Variants in NPTN observed in about 807,000 individuals in gnomAD.
NPTN encodes the protein neuroplastin.
A neutral mutation model predicts 42.7 loss-of-function variants in NPTN; 5 were observed. The ratio of observed to expected loss-of-function variants is 0.12; its 90% CI spans 0.06 to 0.25. The LOEUF (loss-of-function observed/expected upper bound fraction) is 0.25, where lower values mean the gene tolerates loss of function less well. Ranked by LOEUF, NPTN falls within the 10% of genes least tolerant of loss-of-function variation. The pLI, the probability that NPTN is intolerant of heterozygous loss-of-function variation, is 1.00. For missense variants in NPTN, 307 were observed against 525.4 expected (o/e 0.58, Z 4.06); for synonymous variants, 180 against 201.9 (o/e 0.89, Z 0.92).
At chr15:73,581,436 G>C (rs952047700) in intron 4 of NPTN, among the ~76,000 whole-genome samples, 1 of 152,182 alleles carries the variant, frequency 6.6e-6, no homozygotes, top group Non-Finnish European at 1.5e-5. Context: ...ACCCTTAGAA[G>C]AGAGTTCTGA....
intron 4 of NPTN, among the ~76,000 whole-genome samples, chr15:73,577,562 C>T (rs1394891369): frequency 6.6e-6 from 1 of 152,222 alleles, no homozygotes; most frequent in Admixed American, 6.5e-5. Context: ...TTTCCCAAAA[C>T]AGACTCCCTT....
intron 4 of NPTN, among the ~76,000 whole-genome samples, chr15:73,580,391 ATATATATAT>A (rs1286022596): frequency 7.6e-5 from 10 of 132,386 alleles, no homozygotes; most frequent in South Asian, 2.2e-4. Context: ...AAACTTTAAA[ATATATATAT>A]TATATATATA....
At chr15:73,573,469 C>A (rs1015842393) in intron 5 of NPTN, among the ~76,000 whole-genome samples, 193 bp downstream of exon 5, 1 of 152,142 alleles carries the variant, frequency 6.6e-6, no homozygotes, top group African/African-American at 2.4e-5. Flanking sequence ...TAACAAATCA[C>A]GTACAGGGAT....
chr15:73,588,369 T>C (rs562333627), intron 3 of NPTN, among the ~76,000 whole-genome samples: 2 of 152,336 alleles, frequency 1.3e-5, no homozygotes, highest in South Asian at 2.1e-4. Context: ...TCTTCCTACC[T>C]TGTCTTTTAG....
chr15:73,561,891 C>CTTACA lies in NPTN; in HGVS notation c.*14_*14+4dup, dbSNP rs1368320534. On this transcript the variant is annotated splice_donor_region_variant and intron_variant, in intron 8 of 8. Coordinates refer to ENST00000345330, the MANE Select transcript of NPTN (RefSeq NM_012428.4). ...TTTAAGACTGCTACAGAAGGCCATA[C>CTTACA]TTACATTGTAAGCAGTACTTAATTT... 1.3e-6 allele frequency: 2 copies of CTTACA among 1,595,326 alleles called. No individual in the cohort carries two copies. The highest frequency in any genetic ancestry group is 1.7e-6 in the Non-Finnish European group (2 of 1,167,008).
In NPTN at chr15:73,569,458, G is replaced by C. The variant is rs1316946788; in HGVS notation, c.1114+692C>G. Reference sequence around the variant, plus strand: ...TAGGCCAGCTTGAGGGCACAGCCTCGGGGCATGGACTCCATTTGTTCCGCC... The same window carrying C: ...TAGGCCAGCTTGAGGGCACAGCCTCCGGGCATGGACTCCATTTGTTCCGCC... On this transcript the variant is annotated intron_variant, in intron 6 of 8. Transcript: ENST00000345330. The surrounding 1 kb of genome is among the most constrained non-coding windows in gnomAD (Gnocchi z 4.1). 3 of 985,388 alleles carry C rather than the reference G, an allele frequency of 3.0e-6. No homozygotes were observed. Among genetic ancestry groups the C allele is most frequent in the Non-Finnish European group, 2.4e-6 (2 of 829,934 alleles). 61.0% of individuals were successfully genotyped at this position (985,388 alleles called of 1,614,324 possible).
At position 73,570,666 on chromosome 15, in the gene NPTN, G is replaced by T. The variant is rs1895318660; in HGVS notation, c.841-243C>A. Among the ~76,000 whole-genome samples the T allele has an allele frequency of 1.3e-5, 2 of 152,286 alleles. No individual in the cohort carries two copies. Among genetic ancestry groups the T allele is most frequent in the Middle Eastern group, 3.4e-3 (1 of 294 alleles). ...CCCGACTTCCACGAAGTGAGTGCAG[G>T]TCCTACTGCCTGGAGACTCAGAAAA... On this transcript the variant is annotated intron_variant, in intron 5 of 8. Coordinates refer to ENST00000345330, the MANE Select transcript of NPTN (RefSeq NM_012428.4). The surrounding 1 kb of genome is among the most constrained non-coding windows in gnomAD (Gnocchi z 4.0).
chr15:73,577,835 T>C (rs745467492), intron 4 of NPTN, among the ~76,000 whole-genome samples: 4 of 152,120 alleles, frequency 2.6e-5, no homozygotes, highest in Non-Finnish European at 4.4e-5. Flanking sequence ...CTCCCTGTGA[T>C]TTCAGCTCTA....
intron 1 of NPTN, among the ~76,000 whole-genome samples, chr15:73,609,676 C>A (rs927834956): frequency 2.0e-5 from 3 of 152,180 alleles, no homozygotes; most frequent in Non-Finnish European, 2.9e-5. Flanking sequence ...GAATCCTTAC[C>A]TTCTGAGAAA....
chr15:73,618,589 T>C, intron 1 of NPTN, among the ~76,000 whole-genome samples: 1 of 152,144 alleles, frequency 6.6e-6, no homozygotes, highest in East Asian at 1.9e-4. Flanking sequence ...TTATAAGAAA[T>C]TACAGGCTGG....
Position 73,597,373 on chromosome 15 carries a change from G to A in NPTN, c.92-4C>T. The A allele has an allele frequency of 6.2e-7, 1 of 1,605,298 alleles. No individual in the cohort carries two copies. Among genetic ancestry groups the A allele is most frequent in the Non-Finnish European group, 8.5e-7 (1 of 1,173,608 alleles). Reference sequence around the variant, plus strand: ...ATGGGCGACTTGACAAACCCAGCTAGAGGGAGGGGGAGCAGGAATGCAGTG... The same window carrying A: ...ATGGGCGACTTGACAAACCCAGCTAAAGGGAGGGGGAGCAGGAATGCAGTG... On this transcript the variant is annotated splice_polypyrimidine_tract_variant and splice_region_variant and intron_variant, in intron 1 of 8. Coordinates refer to ENST00000345330, the MANE Select transcript of NPTN (RefSeq NM_012428.4). This position sits in a 1 kb window ranked among gnomAD's most constrained non-coding sequence, Gnocchi z 6.3.
At chr15:73,629,033 A>C (rs1566994788) in intron 1 of NPTN, among the ~76,000 whole-genome samples, 1 of 152,218 alleles carries the variant, frequency 6.6e-6, no homozygotes, top group Non-Finnish European at 1.5e-5. Flanking sequence ...TTCACAAGTT[A>C]AGCTCTACTG....
chr15:73,580,421 AATAT>A (rs1164023098), intron 4 of NPTN, among the ~76,000 whole-genome samples: 7 of 107,312 alleles, frequency 6.5e-5, no homozygotes, highest in African/African-American at 2.0e-4. Flanking sequence ...ATATATATAT[AATAT>A]ATATATAATA....
chr15:73,625,692 CTCATA>C lies in NPTN; in HGVS notation c.91+7428_91+7432del, dbSNP rs568217936. 7.9e-5 allele frequency among the ~76,000 whole-genome samples: 12 copies of C among 152,260 alleles called. No individual in the cohort carries two copies. The South Asian group carries it at 2.5e-3, about 32-fold the overall frequency. On this transcript the variant is annotated intron_variant, in intron 1 of 8. Coordinates refer to ENST00000345330, the MANE Select transcript of NPTN (RefSeq NM_012428.4). Reference sequence around the variant, plus strand: ...CATGTGAACCAAATATTATCTTTTACTCATATAAACTAACCCCTACTGACTACATT... The same window carrying C: ...CATGTGAACCAAATATTATCTTTTACTAAACTAACCCCTACTGACTACATT...
At chr15:73,619,655 C>G (rs1228080537) in intron 1 of NPTN, among the ~76,000 whole-genome samples, 1 of 152,204 alleles carries the variant, frequency 6.6e-6, no homozygotes, top group African/African-American at 2.4e-5. Flanking sequence ...TTATAAGCAT[C>G]AGGCTTCACA....
At chr15:73,586,135 C>A (rs1361710764) in intron 4 of NPTN, among the ~76,000 whole-genome samples, 1 of 152,210 alleles carries the variant, frequency 6.6e-6, no homozygotes, top group East Asian at 1.9e-4. Context: ...CCACTCTTTC[C>A]TTCCCTCACC....
chr15:73,592,300 G>C (rs1896630818), intron 2 of NPTN, among the ~76,000 whole-genome samples, 163 bp from the exon 3 acceptor site: 1 of 152,142 alleles, frequency 6.6e-6, no homozygotes, highest in South Asian at 2.1e-4. Flanking sequence ...GTCAAGAAAG[G>C]AAAAACAATG....
intron 4 of NPTN, among the ~76,000 whole-genome samples, chr15:73,577,495 G>A (rs576555967): frequency 2.6e-5 from 4 of 152,272 alleles, no homozygotes; most frequent in East Asian, 1.9e-4. Context: ...ACTCCTGGGC[G>A]CAGGCTGAAC....
chr15:73,611,335 T>C (rs1897568933), intron 1 of NPTN, among the ~76,000 whole-genome samples: 1 of 152,088 alleles, frequency 6.6e-6, no homozygotes, highest in Non-Finnish European at 1.5e-5. Context: ...AAACAGACTA[T>C]CAAGAACATT....
Sources: gnomAD v4.1 joint callset for allele counts (sites outside exome capture counted in the v4.1 genomes callset) on GRCh38, gnomAD v4.1.1 for gene constraint, Gnocchi (gnomAD v3.1) non-coding constraint, MANE v1.5 for transcripts, NCBI Gene and HGNC (gene_info 2026-07-23, HGNC 2026-07-21) for gene names.